SGCZ: variants seen among roughly 807,000 people sequenced by gnomAD.
The protein encoded by SGCZ is sarcoglycan zeta, also known as zeta-sarcoglycan.
SGCZ carries 40 observed loss-of-function variants against 41.3 expected under a neutral mutation model. The ratio of observed to expected loss-of-function variants is 0.97; its 90% CI spans 0.75 to 1.26. The LOEUF (loss-of-function observed/expected upper bound fraction) is 1.26, where lower values mean the gene tolerates loss of function less well. SGCZ is among the 50% of genes most tolerant of loss of function. The pLI is 0.00. For missense variants in SGCZ, 552 were observed against 369.8 expected (o/e 1.49, Z -4.04); for synonymous variants, 206 against 137.5 (o/e 1.50, Z -3.49).
intron 1 of SGCZ, among the ~76,000 whole-genome samples, chr8:14,914,212 A>G (rs1240355120): frequency 6.8e-6 from 1 of 147,936 alleles, no homozygotes; most frequent in East Asian, 2.0e-4. Context: ...ATCATTTTAT[A>G]TATATAAATA....
chr8:14,937,732 A>C (rs1800130423), intron 1 of SGCZ, among the ~76,000 whole-genome samples: 1 of 152,038 alleles, frequency 6.6e-6, no homozygotes, highest in East Asian at 1.9e-4. Context: ...TTTTTCTGTA[A>C]GTTTTTTTGT....
In SGCZ at chr8:14,086,019, T is replaced by G. The variant is rs1457869040; in HGVS notation, c.*4424A>C. Among the ~76,000 whole-genome samples the G allele has an allele frequency of 1.3e-5, 2 of 151,768 alleles. No homozygotes were observed. Among genetic ancestry groups the G allele is most frequent in the African/African-American group, 4.8e-5 (2 of 41,422 alleles). ...TTGATTAGTTTATGATTATTTAAAA[T>G]GAATACAAATGCAAATTTCCTTTGT... On this transcript the variant is annotated 3_prime_UTR_variant, in exon 8 of 8. Coordinates refer to ENST00000382080, the MANE Select transcript of SGCZ (RefSeq NM_139167.4).
At chr8:14,557,189 G>A (rs1484117172) in intron 1 of SGCZ, among the ~76,000 whole-genome samples, 1 of 151,740 alleles carries the variant, frequency 6.6e-6, no homozygotes, top group African/African-American at 2.4e-5. Flanking sequence ...CATTTGTGAT[G>A]TTAAGCATTT....
chr8:14,602,621 A>G (rs1805629033), intron 1 of SGCZ, among the ~76,000 whole-genome samples: 1 of 152,194 alleles, frequency 6.6e-6, no homozygotes, highest in Admixed American at 6.5e-5. Flanking sequence ...TTAAAATATC[A>G]TCTGTCTTTC....
At chr8:14,828,598 G>C (rs1318059122) in intron 1 of SGCZ, among the ~76,000 whole-genome samples, 1 of 152,160 alleles carries the variant, frequency 6.6e-6, no homozygotes, top group Non-Finnish European at 1.5e-5. Flanking sequence ...TGAAGACAAA[G>C]CACAATCAAA....
intron 2 of SGCZ, among the ~76,000 whole-genome samples, chr8:14,538,768 T>C (rs145015513): frequency 6.6e-6 from 1 of 151,976 alleles, no homozygotes; most frequent in East Asian, 1.9e-4. Context: ...AAAGATGCTA[T>C]ATGCTGTGTT....
At chr8:14,451,597 T>A (rs1339562167) in intron 2 of SGCZ, among the ~76,000 whole-genome samples, 2 of 152,158 alleles carry the variant, frequency 1.3e-5, no homozygotes, top group African/African-American at 4.8e-5. Context: ...ACAGATCTGA[T>A]AAAGGACTGC....
At chr8:14,538,217 T>G (rs1803355157) in intron 2 of SGCZ, among the ~76,000 whole-genome samples, 1 of 152,006 alleles carries the variant, frequency 6.6e-6, no homozygotes, top group African/African-American at 2.4e-5. Flanking sequence ...TAACTTATTT[T>G]TATCATGTCT....
At chr8:15,069,705 C>A (rs1023179385) in intron 1 of SGCZ, among the ~76,000 whole-genome samples, 1 of 152,194 alleles carries the variant, frequency 6.6e-6, no homozygotes, top group East Asian at 1.9e-4. Flanking sequence ...TTGTGATCAT[C>A]TTGGCATATA....
At chr8:15,127,024 G>A (rs1482269768) in intron 1 of SGCZ, among the ~76,000 whole-genome samples, 1 of 152,280 alleles carries the variant, frequency 6.6e-6, no homozygotes. Context: ...GCATTCTGTA[G>A]TTTTAGAAAT....
At chr8:15,128,902 T>C (rs1022917397) in intron 1 of SGCZ, among the ~76,000 whole-genome samples, 4 of 152,144 alleles carry the variant, frequency 2.6e-5, no homozygotes, top group African/African-American at 9.7e-5. Context: ...AACATTCTCT[T>C]CTCTGCTGTC....
At chr8:14,367,338 C>T (rs1368587012) in intron 2 of SGCZ, among the ~76,000 whole-genome samples, 4 of 152,092 alleles carry the variant, frequency 2.6e-5, no homozygotes, top group Admixed American at 6.6e-5. Flanking sequence ...AACATCCCCA[C>T]ATCTTCCTGT....
intron 4 of SGCZ, among the ~76,000 whole-genome samples, chr8:14,176,973 C>A (rs1355630296): frequency 6.6e-6 from 1 of 152,148 alleles, no homozygotes; most frequent in East Asian, 1.9e-4. Flanking sequence ...ATTCTTTGGT[C>A]TCTGAGCTCC....
chr8:14,570,960 T>G (rs1287583270), intron 1 of SGCZ, among the ~76,000 whole-genome samples: 1 of 152,202 alleles, frequency 6.6e-6, no homozygotes, highest in Non-Finnish European at 1.5e-5. Flanking sequence ...ATAAATAAAA[T>G]GACTTTCATA....
rs1462455503 is a variant in SGCZ at position 14,504,368 on chromosome 8, A to T, written c.234+50364T>A. Among the ~76,000 whole-genome samples the T allele has an allele frequency of 4.6e-5, 7 of 152,344 alleles. No homozygotes were observed. The East Asian group carries it at 1.2e-3, about 25-fold the overall frequency. On this transcript the variant is annotated intron_variant, in intron 2 of 7. Coordinates refer to ENST00000382080, the MANE Select transcript of SGCZ (RefSeq NM_139167.4). ...GAAATTCTGATTAGTTATCTGCTCC[A>T]AATCGTGATTAAGGAAACCTTCATA...
chr8:14,685,554 G>C (rs1563201962), intron 1 of SGCZ, among the ~76,000 whole-genome samples: 3 of 151,972 alleles, frequency 2.0e-5, no homozygotes, highest in Non-Finnish European at 4.4e-5. Context: ...GCTATTCATT[G>C]AAATACTCCA....
At chr8:14,609,240 TTA>T (rs1382763886) in intron 1 of SGCZ, among the ~76,000 whole-genome samples, 1 of 152,156 alleles carries the variant, frequency 6.6e-6, no homozygotes, top group African/African-American at 2.4e-5. Context: ...TTGCCTGGGG[TTA>T]TGTTTGGTTT....
intron 2 of SGCZ, among the ~76,000 whole-genome samples, chr8:14,489,842 C>T (rs1161276098): frequency 1.4e-5 from 2 of 147,730 alleles, no homozygotes; most frequent in East Asian, 2.0e-4. Flanking sequence ...GCAGATTTCA[C>T]TGGCTCGCCG....
chr8:14,595,599 A>T (rs1805385700), intron 1 of SGCZ, among the ~76,000 whole-genome samples: 1 of 152,102 alleles, frequency 6.6e-6, no homozygotes, highest in South Asian at 2.1e-4. Flanking sequence ...ACCTTGAACT[A>T]ATTCCCAGTT....
Sources: allele counts gnomAD v4.1 joint callset (sites outside exome capture counted in the v4.1 genomes callset), GRCh38; gene constraint gnomAD v4.1.1; transcripts MANE v1.5; gene names NCBI Gene and HGNC (gene_info 2026-07-23, HGNC 2026-07-21).